NUCB2: variants seen among roughly 807,000 people sequenced by gnomAD.
NUCB2 encodes the protein nucleobindin 2.
NUCB2 carries 48 observed loss-of-function variants against 57.9 expected under a neutral mutation model. The ratio of observed to expected loss-of-function variants is 0.83; its 90% confidence interval spans 0.66 to 1.05. NUCB2 has a LOEUF of 1.05. Ranked by LOEUF, NUCB2 falls within the 50% of genes least tolerant of loss-of-function variation. The probability of loss-of-function intolerance (pLI) is 0.00; values close to 1 mark genes in which losing one functional copy is unlikely to be tolerated. For missense variants in NUCB2, 442 were observed against 476.2 expected (o/e 0.93, Z 0.67); for synonymous variants, 139 against 152.1 (o/e 0.91, Z 0.64).
chr11:17,313,952 A>G (rs1193111523), intron 10 of NUCB2, among the ~76,000 whole-genome samples: 3 of 152,142 alleles, frequency 2.0e-5, no homozygotes, highest in Admixed American at 1.3e-4. Flanking sequence ...CAACATTTTT[A>G]TCTTCAGCTG....
At chr11:17,317,440 T>C (rs1288520065) in intron 11 of NUCB2, 3 of 197,920 alleles carry the variant, frequency 1.5e-5, no homozygotes, top group African/African-American at 2.3e-5. Flanking sequence ...TATGTAATCA[T>C]AGTAAAATTA....
Position 17,309,607 on chromosome 11 carries a change from T to C in NUCB2, c.415T>C (p.Phe139Leu), listed in dbSNP as rs752310733. The C allele has an allele frequency of 2.5e-6, 4 of 1,605,230 alleles. No individual in the cohort carries two copies. The African/African-American group carries it at 5.4e-5, about 22-fold the overall frequency. ...GGACCACCAAGCTCTTCTAAAACAA[T>C]TTGATCACCTAAACCACCTGAATCC... ...GMDHQALLKQ[F>L]DHLNHLNPDK... The change falls in exon 6 of 14, where the codon TTT (phenylalanine) becomes CTT (leucine). Residue 139 changes from phenylalanine (F) to leucine (L), a missense_variant. Physicochemically the swap from Phe to Leu is conservative, Grantham distance 22 (BLOSUM62 0). Coordinates refer to ENST00000529010, the MANE Select transcript of NUCB2 (RefSeq NM_005013.4).
At chr11:17,342,798 G>T (rs1415278906) in intron 2 of NUCB2, among the ~76,000 whole-genome samples, 160 of 151,690 alleles carry the variant, frequency 1.1e-3, no homozygotes, top group African/African-American at 3.7e-3. Flanking sequence ...TGTTGATTTG[G>T]GGTGGAGAGT....
At chr11:17,300,636 T>C (rs1946550502) in intron 4 of NUCB2, among the ~76,000 whole-genome samples, 1 of 152,258 alleles carries the variant, frequency 6.6e-6, no homozygotes, top group South Asian at 2.1e-4. Flanking sequence ...AATATGCCAT[T>C]GTATTGGTAT....
chr11:17,331,477 T>C lies in NUCB2; in HGVS notation c.*58T>C. 1 of 1,113,588 alleles carries C rather than the reference T, an allele frequency of 9.0e-7. No homozygotes were observed. The highest frequency in any genetic ancestry group is 1.2e-6 in the Non-Finnish European group (1 of 811,024). 69.0% of individuals were successfully genotyped at this position (1,113,588 alleles called of 1,614,324 possible). ...TGTTAACTCAACATCTATTTCATCT[T>C]TTTAGCTCCCTTCCTTTTTCTCTGC... On this transcript the variant is annotated 3_prime_UTR_variant, in exon 14 of 14. Transcript: ENST00000529010.
chr11:17,285,573 T>C (rs1943549500), intron 2 of NUCB2, among the ~76,000 whole-genome samples: 1 of 138,448 alleles, frequency 7.2e-6, no homozygotes, highest in African/African-American at 2.7e-5. Flanking sequence ...CGAGACACTG[T>C]CTCAAAAAAA....
intron 2 of NUCB2, among the ~76,000 whole-genome samples, chr11:17,348,810 C>A (rs1305932072): frequency 6.6e-6 from 1 of 151,334 alleles, no homozygotes; most frequent in Non-Finnish European, 1.5e-5. Flanking sequence ...CAGAGTCTTA[C>A]ACTTGTCACT....
rs138682209 is a variant in NUCB2, at chr11:17,281,202, G to A, written c.-155-1587G>A. On this transcript the variant is annotated intron_variant, in intron 1 of 13. Transcript: ENST00000529010. ...TGGAGTACATTGGTATGCATGGCTC[G>A]ACCTCCTGGGCTCAAGCAACCCTCC... Among the ~76,000 whole-genome samples, 672 of 151,690 alleles carry A rather than the reference G, an allele frequency of 4.4e-3. 2 individuals are homozygous for A. The highest frequency in any genetic ancestry group is 5.5e-3 in the African/African-American group (229 of 41,356).
At chr11:17,328,383 A>G (rs2139411215) in intron 11 of NUCB2, among the ~76,000 whole-genome samples, 1 of 152,292 alleles carries the variant, frequency 6.6e-6, no homozygotes, top group East Asian at 1.9e-4. Context: ...CCTTTCCTTC[A>G]TGGTGGCGAG....
chr11:17,329,024 A>G (rs1187266854), intron 11 of NUCB2, among the ~76,000 whole-genome samples: 3 of 152,066 alleles, frequency 2.0e-5, no homozygotes, highest in African/African-American at 7.2e-5. Context: ...GCCTGCCAGG[A>G]CTGCTCCCTT....
chr11:17,278,407 C>T (rs923379049), intron 1 of NUCB2: 2 of 152,024 alleles, frequency 1.3e-5, no homozygotes, highest in Non-Finnish European at 2.9e-5. Flanking sequence ...GAACTCCTGA[C>T]CTCAGGTGAT....
At chr11:17,320,502 C>G (rs1445871442) in intron 11 of NUCB2, among the ~76,000 whole-genome samples, 1 of 151,952 alleles carries the variant, frequency 6.6e-6, no homozygotes, top group Non-Finnish European at 1.5e-5. Flanking sequence ...ATTAAAAATA[C>G]AAAAATTAGC....
chr11:17,288,908 C>T (rs1944355933), intron 2 of NUCB2, among the ~76,000 whole-genome samples: 2 of 74,718 alleles, frequency 2.7e-5, no homozygotes, highest in African/African-American at 1.6e-4. Flanking sequence ...CACACACACA[C>T]ACACACACAC....
At chr11:17,277,013 C>T (rs1941460619) in intron 1 of NUCB2, 185 bp downstream of exon 1, 1 of 152,588 alleles carries the variant, frequency 6.6e-6, no homozygotes, top group Non-Finnish European at 1.5e-5. Flanking sequence ...CGCTGGGTTC[C>T]CTCTGCTCCA....
At chr11:17,286,843 C>A (rs903726403) in intron 2 of NUCB2, 1 of 152,090 alleles carries the variant, frequency 6.6e-6, no homozygotes, top group Non-Finnish European at 1.5e-5. Context: ...TCCTTTAATG[C>A]AGACACATTT....
At chr11:17,292,713 A>C (rs1228761706) in intron 2 of NUCB2, among the ~76,000 whole-genome samples, 1 of 152,216 alleles carries the variant, frequency 6.6e-6, no homozygotes. Flanking sequence ...TAGAAGTGAT[A>C]TGTCTCAGTT....
chr11:17,298,081 CAAAAAAAAAAAAA>C (rs34329500), intron 4 of NUCB2, among the ~76,000 whole-genome samples: 5 of 82,740 alleles, frequency 6.0e-5, no homozygotes, highest in African/African-American at 2.3e-4. Flanking sequence ...GACTTCGTCT[CAAAAAAAAAAAAA>C]AAAAAAAAGG....
intron 10 of NUCB2, 35 bp downstream of exon 10, chr11:17,312,155 C>A: frequency 2.0e-6 from 2 of 982,818 alleles, no homozygotes. Flanking sequence ...TATGTTATTT[C>A]TATGTATTAT....
rs546307410 is a variant in NUCB2, at chr11:17,279,363, G to C, written c.-156+2535G>C. Among the ~76,000 whole-genome samples the C allele has an allele frequency of 2.0e-5, 3 of 152,070 alleles. No individual in the cohort carries two copies. In the South Asian group the frequency reaches 6.2e-4, roughly 32 times the overall value. ...GATTCCAGTACGGGCTCTGCCAAAC[G>C]AACTTGGCCAAGTCAGTTAACTTCC... On this transcript the variant is annotated intron_variant, in intron 1 of 13. Transcript: ENST00000529010.
Sources: gnomAD v4.1 joint callset for allele counts (sites outside exome capture counted in the v4.1 genomes callset) on GRCh38, gnomAD v4.1.1 for gene constraint, MANE v1.5 for transcripts, NCBI Gene and HGNC (gene_info 2026-07-23, HGNC 2026-07-21) for gene names.